Variants in STXBP5L observed in about 807,000 individuals in gnomAD.
STXBP5L encodes syntaxin-binding protein 5-like.
In STXBP5L, 65 loss-of-function variants were observed where a neutral mutation model predicts 144.5. The ratio of observed to expected loss-of-function variants is 0.45; its 90% CI spans 0.37 to 0.55. The LOEUF (loss-of-function observed/expected upper bound fraction) is 0.55, where lower values mean the gene tolerates loss of function less well. STXBP5L is among the 20% of genes least tolerant of loss of function. The pLI, the probability that STXBP5L is intolerant of heterozygous loss-of-function variation, is 0.00. For missense variants in STXBP5L, 1,298 were observed against 1,405.5 expected (o/e 0.92, Z 1.22); for synonymous variants, 505 against 469.6 (o/e 1.08, Z -0.97).
chr3:121,393,980 GA>G (rs1358914843), intron 22 of STXBP5L, among the ~76,000 whole-genome samples: 8 of 152,164 alleles, frequency 5.3e-5, no homozygotes, highest in African/African-American at 1.9e-4. Flanking sequence ...TTGGCAAATT[GA>G]TAGGAATTGT....
At chr3:121,348,023 C>G (rs1255505209) in intron 20 of STXBP5L, among the ~76,000 whole-genome samples, 2 of 152,186 alleles carry the variant, frequency 1.3e-5, no homozygotes, top group African/African-American at 2.4e-5. Flanking sequence ...AGAGGGCATC[C>G]CTGTCTTGTA....
chr3:121,028,566 C>G (rs1025038498), intron 3 of STXBP5L, among the ~76,000 whole-genome samples: 3 of 152,034 alleles, frequency 2.0e-5, no homozygotes, highest in Non-Finnish European at 4.4e-5. Flanking sequence ...CAAAAATATT[C>G]TAAGGAGATC....
At chr3:121,206,074 G>C (rs1368653111) in intron 10 of STXBP5L, 73 bp downstream of exon 10, 3 of 866,016 alleles carry the variant, frequency 3.5e-6, no homozygotes, top group Non-Finnish European at 5.1e-6. Context: ...TTAATGTTAA[G>C]ATATTGTTTA....
intron 3 of STXBP5L, among the ~76,000 whole-genome samples, chr3:120,996,633 C>T (rs545799771): frequency 6.6e-6 from 1 of 152,270 alleles, no homozygotes; most frequent in South Asian, 2.1e-4. Flanking sequence ...CTCCTTGGCA[C>T]TGGTAGCCAC....
At chr3:121,232,393 A>C (rs1263334069) in intron 11 of STXBP5L, among the ~76,000 whole-genome samples, 1 of 152,158 alleles carries the variant, frequency 6.6e-6, no homozygotes, top group African/African-American at 2.4e-5. Flanking sequence ...ATTCACCACA[A>C]AATAAAAATA....
chr3:121,398,266 T>C (rs1365532252), intron 22 of STXBP5L, among the ~76,000 whole-genome samples: 1 of 152,240 alleles, frequency 6.6e-6, no homozygotes, highest in Non-Finnish European at 1.5e-5. Context: ...AATCCTATTG[T>C]CCCCGCTGGC....
In STXBP5L at chr3:121,325,798, C is replaced by A. The variant is rs142149438; in HGVS notation, c.2176+7258C>A. Among the ~76,000 whole-genome samples the A allele has an allele frequency of 4.6e-3, 692 of 151,896 alleles. 4 individuals are homozygous for A. Among genetic ancestry groups the A allele is most frequent in the African/African-American group, 0.016 (660 of 41,498 alleles). On this transcript the variant is annotated intron_variant, in intron 20 of 26. Transcript: ENST00000471454. ...ACAAGGTATTTTTCATATGTATTAT[C>A]TTTAATCCTTACATCTATGTAATAC...
At chr3:121,116,180 A>G (rs2044222650) in intron 6 of STXBP5L, among the ~76,000 whole-genome samples, 1 of 152,146 alleles carries the variant, frequency 6.6e-6, no homozygotes, top group Non-Finnish European at 1.5e-5. Context: ...CTCTCTACAT[A>G]TTAGGTCCTT....
intron 3 of STXBP5L, among the ~76,000 whole-genome samples, chr3:120,974,626 G>T (rs185474930): frequency 2.6e-5 from 4 of 152,310 alleles, no homozygotes; most frequent in Admixed American, 1.3e-4. Flanking sequence ...ACATGCCTAT[G>T]TCCTGAATGT....
At chr3:121,090,337 G>A (rs1166815169) in intron 5 of STXBP5L, among the ~76,000 whole-genome samples, 2 of 152,114 alleles carry the variant, frequency 1.3e-5, no homozygotes, top group South Asian at 2.1e-4. Flanking sequence ...GCTGGGTGGG[G>A]TGGGATTTTT....
At chr3:121,113,726 T>C (rs1350071053) in intron 5 of STXBP5L, among the ~76,000 whole-genome samples, 1 of 142,544 alleles carries the variant, frequency 7.0e-6, no homozygotes, top group Admixed American at 8.0e-5. Flanking sequence ...CAGGCTGGAG[T>C]GCAGTGGCAC....
intron 2 of STXBP5L, among the ~76,000 whole-genome samples, chr3:120,936,618 G>A (rs1041893536): frequency 6.8e-6 from 1 of 146,322 alleles, no homozygotes; most frequent in Non-Finnish European, 1.5e-5. Flanking sequence ...ATACATGCAG[G>A]TTTTTTTTTT....
chr3:121,229,202 CA>C (rs1378103246), intron 11 of STXBP5L, among the ~76,000 whole-genome samples: 1 of 152,128 alleles, frequency 6.6e-6, no homozygotes, highest in Non-Finnish European at 1.5e-5. Flanking sequence ...CTATCTCATG[CA>C]AAATTATTCT....
intron 5 of STXBP5L, among the ~76,000 whole-genome samples, chr3:121,069,441 G>A (rs1431610233): frequency 6.6e-6 from 1 of 151,834 alleles, no homozygotes; most frequent in East Asian, 1.9e-4. Flanking sequence ...TACAAGTAAA[G>A]CTGCTATGAT....
chr3:121,343,430 T>C (rs2044813557), intron 20 of STXBP5L, among the ~76,000 whole-genome samples: 1 of 152,152 alleles, frequency 6.6e-6, no homozygotes, highest in Non-Finnish European at 1.5e-5. Context: ...ATAAAGGTTA[T>C]TCATTTCGGA....
At chr3:121,100,569 T>C (rs1267489908) in intron 5 of STXBP5L, among the ~76,000 whole-genome samples, 1 of 152,016 alleles carries the variant, frequency 6.6e-6, no homozygotes, top group African/African-American at 2.4e-5. Context: ...CATGACTTAC[T>C]AAAATCTCTG....
chr3:121,262,433 C>T (rs2050414499), intron 18 of STXBP5L, among the ~76,000 whole-genome samples: 1 of 152,142 alleles, frequency 6.6e-6, no homozygotes, highest in Non-Finnish European at 1.5e-5. Flanking sequence ...AGTTTGAGAC[C>T]AGCCTGGCAA....
At chr3:120,978,698 G>T (rs552428353) in intron 3 of STXBP5L, among the ~76,000 whole-genome samples, 3 of 152,284 alleles carry the variant, frequency 2.0e-5, no homozygotes, top group African/African-American at 7.2e-5. Context: ...GGTCTTTGAT[G>T]ATGGTGATGT....
At chr3:121,004,183 C>G (rs898844359) in intron 3 of STXBP5L, among the ~76,000 whole-genome samples, 8 of 152,212 alleles carry the variant, frequency 5.3e-5, no homozygotes, top group Non-Finnish European at 1.2e-4. Context: ...TACCCATGAT[C>G]ATGGAATGTT....
Sources: gnomAD v4.1 joint callset for allele counts (sites outside exome capture counted in the v4.1 genomes callset) on GRCh38, gnomAD v4.1.1 for gene constraint, MANE v1.5 for transcripts, NCBI Gene and HGNC (gene_info 2026-07-23, HGNC 2026-07-21) for gene names.